The following PCDH15 variants were observed in gnomAD, a reference collection of about 807,000 sequenced individuals.
The protein encoded by PCDH15 is protocadherin related 15, also known as protocadherin-15.
In PCDH15, 129 loss-of-function variants were observed where a neutral mutation model predicts 178.5. The observed-to-expected ratio is 0.72, with a 90% confidence interval of 0.63 to 0.84. The LOEUF is 0.84. Among genes scored for constraint, PCDH15 ranks in the 40% least tolerant of loss-of-function variants. PCDH15 has a pLI of 0.00. For synonymous variants in PCDH15, 800 were observed against 732.0 expected, an observed-to-expected ratio of 1.09 and a Z score of -1.50; for missense variants, 2,230 against 2,099.9, an observed-to-expected ratio of 1.06 and a Z score of -1.21.
intron 2 of PCDH15, among the ~76,000 whole-genome samples, chr10:54,560,760 A>G (rs1230785594): frequency 6.6e-6 from 1 of 152,052 alleles, no homozygotes; most frequent in East Asian, 1.9e-4. Context: ...ATGCCTTACA[A>G]ATTTAATTAA....
chr10:53,837,792 T>A (rs1413924706), intron 29 of PCDH15, among the ~76,000 whole-genome samples: 1 of 151,904 alleles, frequency 6.6e-6, no homozygotes, highest in Non-Finnish European at 1.5e-5. Context: ...CACATGTATA[T>A]GTATGTGTAT....
At chr10:55,090,776 G>A (rs1398471426) in intron 2 of PCDH15, among the ~76,000 whole-genome samples, 1 of 152,012 alleles carries the variant, frequency 6.6e-6, no homozygotes. Flanking sequence ...TCTATATACT[G>A]CAGGCAAAAA....
Position 54,874,056 on chromosome 10 carries a change from T to G in PCDH15, c.-29+23394A>C, listed in dbSNP as rs973482963. Among the ~76,000 whole-genome samples the G allele has an allele frequency of 3.2e-5, 3 of 94,362 alleles. No homozygotes were observed. In the Admixed American group the frequency reaches 3.8e-4, roughly 12 times the overall value. The allele number at this position is 94,362 out of a possible 152,430, so 61.9% of individuals were successfully genotyped here. On this transcript the variant is annotated intron_variant, in intron 3 of 5. Transcript: ENST00000458638. ...TTACATATGTATACATGTGCCATACTGGTGCGCTGCACCCACTAACTCGTC... is the reference window on the plus strand; with the variant it reads ...TTACATATGTATACATGTGCCATACGGGTGCGCTGCACCCACTAACTCGTC...
chr10:55,443,332 A>G (rs185693522), intron 2 of PCDH15, among the ~76,000 whole-genome samples: 21 of 152,294 alleles, frequency 1.4e-4, no homozygotes, highest in African/African-American at 4.8e-4. Context: ...AAAAGAAACT[A>G]TCATCAGTGT....
intron 2 of PCDH15, among the ~76,000 whole-genome samples, chr10:55,454,604 C>T (rs1250686242): frequency 7.5e-6 from 1 of 134,136 alleles, no homozygotes; most frequent in Non-Finnish European, 1.5e-5. Flanking sequence ...AGTGAAACCC[C>T]GTCTCTACTA....
intron 2 of PCDH15, among the ~76,000 whole-genome samples, chr10:55,455,017 T>A (rs1839520139): frequency 6.6e-6 from 1 of 152,126 alleles, no homozygotes; most frequent in Non-Finnish European, 1.5e-5. Flanking sequence ...ATGCTTTATG[T>A]AAGTGCTTAC....
chr10:55,394,220 A>G (rs867916623), intron 2 of PCDH15, among the ~76,000 whole-genome samples: 22 of 18,630 alleles, frequency 1.2e-3, no homozygotes, highest in African/African-American at 5.0e-3. Flanking sequence ...CAACTATAAC[A>G]CTATTTTTTT....
chr10:55,407,219 CCTT>C (rs1442952967), intron 2 of PCDH15, among the ~76,000 whole-genome samples: 2 of 152,106 alleles, frequency 1.3e-5, no homozygotes, highest in African/African-American at 4.8e-5. Flanking sequence ...GGGAATACCT[CCTT>C]TTTTAACTTA....
At chr10:54,533,313 A>G (rs2084123232) in intron 2 of PCDH15, among the ~76,000 whole-genome samples, 1 of 152,178 alleles carries the variant, frequency 6.6e-6, no homozygotes, top group Non-Finnish European at 1.5e-5. Flanking sequence ...TGAGGAAAAA[A>G]TTGACAGATA....
At chr10:55,499,586 G>C (rs1840610456) in intron 2 of PCDH15, among the ~76,000 whole-genome samples, 1 of 151,068 alleles carries the variant, frequency 6.6e-6, no homozygotes, top group African/African-American at 2.4e-5. Flanking sequence ...TTTTTTAATT[G>C]TCAAGATCAA....
chr10:54,527,861 C>T lies in PCDH15; in HGVS notation c.108G>A (p.Arg36=), dbSNP rs754686276. 1.9e-6 allele frequency: 3 copies of T among 1,612,022 alleles called. No homozygotes were observed. In the East Asian group the frequency reaches 6.7e-5, roughly 36 times the overall value. Residue 36 remains arginine (R), a synonymous_variant, in exon 3 of 38, where the codon AGG becomes AGA. Coordinates refer to ENST00000644397, the MANE Select transcript of PCDH15 (RefSeq NM_001384140.1). ...CAACTATGGTAGCTGGTGGTCCTCC[C>T]CTAGCTAGTTTGCAATCTAAAGAGA... ...GQYDDDCKLA[R]GGPPATIVAI...
At chr10:55,492,247 A>C (rs902294295) in intron 2 of PCDH15, among the ~76,000 whole-genome samples, 1 of 151,712 alleles carries the variant, frequency 6.6e-6, no homozygotes, top group Non-Finnish European at 1.5e-5. Context: ...AAAAAAAATT[A>C]TCTCTCAGAG....
At chr10:55,350,266 T>TACAC (rs1478918888) in intron 2 of PCDH15, among the ~76,000 whole-genome samples, 1 of 58,980 alleles carries the variant, frequency 1.7e-5, no homozygotes, top group East Asian at 4.2e-4. Flanking sequence ...TATATATATA[T>TACAC]ATACACACAC....
chr10:54,754,430 T>C (rs185278536), intron 1 of PCDH15, among the ~76,000 whole-genome samples: 174 of 152,176 alleles, frequency 1.1e-3, no homozygotes, highest in Non-Finnish European at 2.0e-3. Flanking sequence ...TAATTTAAAA[T>C]ATAAAATCAA....
chr10:55,349,687 A>C (rs1288704610), intron 2 of PCDH15, among the ~76,000 whole-genome samples: 3 of 152,152 alleles, frequency 2.0e-5, no homozygotes, highest in Non-Finnish European at 4.4e-5. Flanking sequence ...CGCAGGTTCA[A>C]ATGCTCAAAG....
chr10:53,950,310 T>C (rs1227655792), intron 23 of PCDH15, among the ~76,000 whole-genome samples: 2 of 152,024 alleles, frequency 1.3e-5, no homozygotes, highest in East Asian at 1.9e-4. Flanking sequence ...TATATACCAG[T>C]ATAAATTTTG....
At chr10:53,985,999 T>C (rs2091072710) in intron 21 of PCDH15, among the ~76,000 whole-genome samples, 1 of 152,220 alleles carries the variant, frequency 6.6e-6, no homozygotes, top group Non-Finnish European at 1.5e-5. Context: ...ATTTCTTTTG[T>C]TTTTAGAACA....
intron 2 of PCDH15, among the ~76,000 whole-genome samples, chr10:55,600,501 G>A (rs540504686): frequency 6.6e-6 from 1 of 152,120 alleles, no homozygotes; most frequent in Non-Finnish European, 1.5e-5. Context: ...GTGACCCTAG[G>A]GTTAAGAGTG....
intron 2 of PCDH15, among the ~76,000 whole-genome samples, chr10:55,370,006 A>G (rs1845463752): frequency 6.6e-6 from 1 of 152,098 alleles, no homozygotes; most frequent in Non-Finnish European, 1.5e-5. Context: ...TAAATTTTAA[A>G]TGATCACAGA....
Sources: gnomAD v4.1 joint callset for allele counts (sites outside exome capture counted in the v4.1 genomes callset) on GRCh38, gnomAD v4.1.1 for gene constraint, MANE v1.5 for transcripts, NCBI Gene and HGNC (gene_info 2026-07-23, HGNC 2026-07-21) for gene names.